The following LRMDA variants were observed in gnomAD, a reference collection of about 807,000 sequenced individuals.
LRMDA encodes the protein leucine-rich melanocyte differentiation-associated protein.
Under a neutral mutation model 29.8 loss-of-function variants are expected in LRMDA, and 18 were observed. That is an observed-to-expected ratio of 0.60 (90% CI 0.42 to 0.90). The LOEUF (loss-of-function observed/expected upper bound fraction) is 0.90, where lower values mean the gene tolerates loss of function less well. Ranked by LOEUF, LRMDA falls within the 40% of genes least tolerant of loss-of-function variation. The pLI is 0.00. For missense variants in LRMDA, 273 were observed against 273.9 expected (o/e 1.00, Z 0.02); for synonymous variants, 125 against 109.4 (o/e 1.14, Z -0.89).
chr10:76,290,485 C>T (rs1035030602), intron 5 of LRMDA, among the ~76,000 whole-genome samples: 2 of 132,892 alleles, frequency 1.5e-5, no homozygotes, highest in African/African-American at 5.8e-5. Flanking sequence ...TGCAGTGGTG[C>T]GATTTCAGCT....
At chr10:75,907,825 A>G (rs1010596619) in intron 2 of LRMDA, among the ~76,000 whole-genome samples, 10 of 152,190 alleles carry the variant, frequency 6.6e-5, no homozygotes, top group Non-Finnish European at 1.2e-4. Context: ...TCAGCTCCCC[A>G]CTGTAGGCTT....
chr10:75,630,495 C>T (rs1319251216), intron 2 of LRMDA, among the ~76,000 whole-genome samples: 1 of 152,146 alleles, frequency 6.6e-6, no homozygotes, highest in Admixed American at 6.5e-5. Context: ...AGCTCCAGGG[C>T]CTAGTAGTGC....
chr10:76,066,453 G>A (rs1460848212), intron 5 of LRMDA, among the ~76,000 whole-genome samples: 1 of 152,196 alleles, frequency 6.6e-6, no homozygotes, highest in African/African-American at 2.4e-5. Context: ...AGAGCAAGGT[G>A]GAACCAGGTC....
rs114073882 is a variant in LRMDA, at chr10:75,513,258, G to A, written c.131+74764G>A. 3.7e-3 allele frequency among the ~76,000 whole-genome samples: 568 copies of A among 152,146 alleles called. 3 individuals carry two copies. Among genetic ancestry groups the A allele is most frequent in the African/African-American group, 0.013 (526 of 41,498 alleles). Reference sequence around the variant, plus strand: ...TTTGTTTCTCGTTCCATTCCATTACGTGCATGCTTGCTGTCTCTGTCTCTG... The same window carrying A: ...TTTGTTTCTCGTTCCATTCCATTACATGCATGCTTGCTGTCTCTGTCTCTG... On this transcript the variant is annotated intron_variant, in intron 2 of 6. Transcript: ENST00000611255.
intron 2 of LRMDA, among the ~76,000 whole-genome samples, chr10:75,861,350 G>A (rs1233926523): frequency 6.6e-6 from 1 of 152,074 alleles, no homozygotes; most frequent in African/African-American, 2.4e-5. Flanking sequence ...GTGAAAAAAG[G>A]TGTAAAGTTG....
chr10:75,817,868 T>C (rs1589216946), intron 2 of LRMDA, among the ~76,000 whole-genome samples: 1 of 152,316 alleles, frequency 6.6e-6, no homozygotes. Flanking sequence ...TATTTCATTA[T>C]CTCACGTAAG....
At chr10:76,175,093 G>C (rs1388197612) in intron 5 of LRMDA, among the ~76,000 whole-genome samples, 3 of 152,202 alleles carry the variant, frequency 2.0e-5, no homozygotes, top group Non-Finnish European at 4.4e-5. Context: ...CTGCACTCTA[G>C]CCTGGGTGAC....
At position 75,939,886 on chromosome 10, in the gene LRMDA, T is replaced by A. The variant is rs1320717367; in HGVS notation, c.132-96122T>A. 2.0e-5 allele frequency among the ~76,000 whole-genome samples: 3 copies of A among 152,098 alleles called. No individual in the cohort carries two copies. The East Asian group carries it at 5.8e-4, about 29-fold the overall frequency. On this transcript the variant is annotated intron_variant, in intron 2 of 6. Coordinates refer to ENST00000611255, the MANE Select transcript of LRMDA (RefSeq NM_001305581.2). ...GCCTTCCCTGGGGGACTTCAAAGCATGTATTTGGTCTTTGATATGACACTG... is the reference window on the plus strand; with the variant it reads ...GCCTTCCCTGGGGGACTTCAAAGCAAGTATTTGGTCTTTGATATGACACTG...
chr10:75,646,529 CCT>C (rs1428537243), intron 2 of LRMDA, among the ~76,000 whole-genome samples: 1 of 152,226 alleles, frequency 6.6e-6, no homozygotes, highest in East Asian at 1.9e-4. Context: ...CTACACGCTA[CCT>C]CTGACACTGA....
At chr10:75,975,971 C>T (rs747777564) in intron 2 of LRMDA, among the ~76,000 whole-genome samples, 2 of 152,246 alleles carry the variant, frequency 1.3e-5, no homozygotes, top group East Asian at 3.8e-4. Context: ...AAACTGCTCT[C>T]TTCCTTTTCT....
At chr10:75,653,023 G>A (rs1841619285) in intron 2 of LRMDA, among the ~76,000 whole-genome samples, 1 of 152,164 alleles carries the variant, frequency 6.6e-6, no homozygotes, top group African/African-American at 2.4e-5. Flanking sequence ...TTGGGCTCAG[G>A]TTTGCTCCCC....
At chr10:76,276,579 A>G (rs1316753674) in intron 5 of LRMDA, among the ~76,000 whole-genome samples, 5 of 152,168 alleles carry the variant, frequency 3.3e-5, no homozygotes, top group East Asian at 1.9e-4. Flanking sequence ...CTCATGGACT[A>G]TGCAGCTATA....
chr10:76,243,798 G>C (rs1473887073), intron 5 of LRMDA, among the ~76,000 whole-genome samples: 1 of 152,136 alleles, frequency 6.6e-6, no homozygotes, highest in African/African-American at 2.4e-5. Flanking sequence ...TGCCATAGTG[G>C]GTTGAGTGGT....
chr10:76,074,761 A>G (rs536914710), intron 5 of LRMDA, among the ~76,000 whole-genome samples: 210 of 152,156 alleles, frequency 1.4e-3, no homozygotes, highest in African/African-American at 4.6e-3. Context: ...CCTAGGTGAA[A>G]TTCATTGACC....
chr10:76,125,101 ATCTTT>A (rs980748119), intron 5 of LRMDA, among the ~76,000 whole-genome samples: 82 of 152,340 alleles, frequency 5.4e-4, no homozygotes, highest in Middle Eastern at 3.4e-3. Flanking sequence ...GATTCAAATT[ATCTTT>A]TCTTTTGGCC....
At chr10:75,532,058 A>G (rs1445415794) in intron 2 of LRMDA, among the ~76,000 whole-genome samples, 4 of 27,766 alleles carry the variant, frequency 1.4e-4, no homozygotes, top group South Asian at 2.0e-3. Context: ...GAAAGAAAGA[A>G]AAAAAAAAAA....
intron 3 of LRMDA, among the ~76,000 whole-genome samples, chr10:76,038,458 G>A (rs967089223): frequency 2.6e-5 from 4 of 152,194 alleles, no homozygotes; most frequent in Non-Finnish European, 5.9e-5. Flanking sequence ...CTGTAAACCT[G>A]ACCAGTGATA....
chr10:76,197,596 C>A (rs1017905982), intron 5 of LRMDA, among the ~76,000 whole-genome samples: 1 of 152,068 alleles, frequency 6.6e-6, no homozygotes, highest in Non-Finnish European at 1.5e-5. Flanking sequence ...ACAGGGCAGC[C>A]CTTCCACAAT....
At chr10:75,924,369 C>A (rs1480526327) in intron 2 of LRMDA, among the ~76,000 whole-genome samples, 1 of 152,154 alleles carries the variant, frequency 6.6e-6, no homozygotes, top group African/African-American at 2.4e-5. Flanking sequence ...ATATCATATT[C>A]TCTCATGCAA....
Sources: allele counts gnomAD v4.1 joint callset (sites outside exome capture counted in the v4.1 genomes callset), GRCh38; gene constraint gnomAD v4.1.1; transcripts MANE v1.5; gene names NCBI Gene and HGNC (gene_info 2026-07-23, HGNC 2026-07-21).